RNF40: variants seen among roughly 807,000 people sequenced by gnomAD.
RNF40 encodes the protein ring finger protein 40, also known as E3 ubiquitin-protein ligase BRE1B.
A neutral mutation model predicts 123.3 loss-of-function variants in RNF40; 39 were observed. The observed-to-expected ratio is 0.32, with a 90% CI of 0.24 to 0.41. RNF40 has a LOEUF of 0.41. Among genes scored for constraint, RNF40 ranks in the 10% least tolerant of loss-of-function variants. The probability of loss-of-function intolerance (pLI) is 1.00; values close to 1 mark genes in which losing one functional copy is unlikely to be tolerated. For missense variants in RNF40, 1,003 were observed against 1,319.9 expected (o/e 0.76, Z 3.72); for synonymous variants, 538 against 526.0 (o/e 1.02, Z -0.31).
chr16:30,762,209 A>C, upstream of RNF40: 1 of 343,534 alleles, frequency 2.9e-6, no homozygotes, highest in Non-Finnish European at 5.3e-6. Flanking sequence ...CGTAACCAAT[A>C]GAAGCAGAAG....
At position 30,771,986 on chromosome 16, in the gene RNF40, G is replaced by A; in HGVS notation, c.2727+13G>A. The A allele has an allele frequency of 3.1e-6, 5 of 1,588,602 alleles. No individual in the cohort carries two copies. The highest frequency in any genetic ancestry group is 4.3e-6 in the Non-Finnish European group (5 of 1,163,504). On this transcript the variant is annotated intron_variant, in intron 18 of 19. Coordinates refer to ENST00000324685, the MANE Select transcript of RNF40 (RefSeq NM_014771.4). ...CAAGAGGGCTCAGGTGTGTGCAGGG[G>A]TGAGGGGCCAGGCCAGGGTGGTCCA...
rs1383811349 is a variant in RNF40 at position 30,771,882 on chromosome 16, A to G, written c.2636A>G (p.His879Arg). ...LAEDLKVQLE[H>R]VQTRLREIQP... ...GAGGACCTGAAGGTGCAGCTGGAGC[A>G]CGTGCAGACTCGGCTGCGGGAGATC... The change falls in exon 18 of 20, where the codon CAC becomes CGC. Residue 879 changes from histidine to arginine, a missense_variant. By Grantham distance (29) the His-to-Arg change is conservative (BLOSUM62 0). Transcript: ENST00000324685. 1 of 1,609,068 alleles carries G rather than the reference A, an allele frequency of 6.2e-7. No individual in the cohort carries two copies. Among genetic ancestry groups the G allele is most frequent in the Non-Finnish European group, 8.5e-7 (1 of 1,176,978 alleles).
Position 30,768,805 on chromosome 16 carries a change from T to C in RNF40, c.2098-33T>C, listed in dbSNP as rs1193181209. ...AGAGTCCTAGCTCAGCAGGAAGCAG[T>C]GTCAAGAGAGTTTCTTCTTCCCTGT... On this transcript the variant is annotated intron_variant, in intron 14 of 19. Coordinates refer to ENST00000324685, the MANE Select transcript of RNF40 (RefSeq NM_014771.4). The surrounding 1 kb of genome is among the most constrained non-coding windows in gnomAD (Gnocchi z 4.1). 3.1e-6 allele frequency: 5 copies of C among 1,614,080 alleles called. No homozygotes were observed. In the South Asian group the frequency reaches 3.3e-5, roughly 11 times the overall value.
chr16:30,773,021 G>C (rs2054174353), intron 19 of RNF40, among the ~76,000 whole-genome samples: 1 of 152,176 alleles, frequency 6.6e-6, no homozygotes, highest in Non-Finnish European at 1.5e-5. Flanking sequence ...TGGATAGTTA[G>C]TACCATTTAG....
intron 15 of RNF40, 59 bp downstream of exon 15, chr16:30,769,046 T>C (rs2054098584): frequency 6.2e-7 from 1 of 1,609,156 alleles, no homozygotes; most frequent in African/African-American, 1.3e-5. Context: ...ATACCCTGTT[T>C]GGTGCCTCTA....
chr16:30,772,938 G>T (rs1259701396), intron 19 of RNF40, among the ~76,000 whole-genome samples: 2 of 152,216 alleles, frequency 1.3e-5, no homozygotes, highest in East Asian at 1.9e-4. Context: ...GGACTCGGGG[G>T]TGGATCGAAT....
At position 30,769,268 on chromosome 16, in the gene RNF40, A is replaced by G; in HGVS notation, c.2330A>G (p.Gln777Arg). The change falls in exon 16 of 20, where the codon CAG becomes CGG. Residue 777 changes from glutamine (Q) to arginine (R), a missense_variant. Around this residue, in one of 11 missense-constraint regions of RNF40, gnomAD observed 25 missense variants for 72.6 expected, o/e 0.34. Coordinates refer to ENST00000324685, the MANE Select transcript of RNF40 (RefSeq NM_014771.4). ...CAGGAACAGAACGGGCGGCTGCTAC[A>G]GCAGTTGCGGGAAAAGGATGATGCC... ...DMQEQNGRLL[Q>R]QLREKDDANF... 6.2e-7 allele frequency: 1 copy of G among 1,614,234 alleles called. No homozygotes were observed. The highest frequency in any genetic ancestry group is 8.5e-7 in the Non-Finnish European group (1 of 1,180,032).
chr16:30,763,006 G>A (rs572608675), intron 2 of RNF40, 112 bp from the exon 3 acceptor site: 1 of 1,198,826 alleles, frequency 8.3e-7, no homozygotes, highest in African/African-American at 1.5e-5. Context: ...GTTAGTGTGG[G>A]AATACCTCCA....
chr16:30,764,665 A>T (rs2053994898), intron 5 of RNF40, among the ~76,000 whole-genome samples: 1 of 152,158 alleles, frequency 6.6e-6, no homozygotes, highest in Non-Finnish European at 1.5e-5. Flanking sequence ...TTGCGGATCC[A>T]CAAGGCATAG....
Position 30,764,215 on chromosome 16 carries a change from A to T in RNF40, c.479A>T (p.Glu160Val). 6.2e-7 allele frequency: 1 copy of T among 1,611,568 alleles called. No homozygotes were observed. Among genetic ancestry groups the T allele is most frequent in the Non-Finnish European group, 8.5e-7 (1 of 1,178,892 alleles). Residue 160 changes from glutamate (E) to valine (V), a missense_variant, in exon 5 of 20, where the codon GAG becomes GTG. Transcript: ENST00000324685. ...LLMQLRPPLS[E>V]PALAFVVALG... ...ATGCAGCTGCGGCCCCCTCTCAGTG[A>T]GCCGGCCTTGGCTTTTGTGGTGGCA...
chr16:30,767,749 CTT>C, intron 11 of RNF40, 143 bp from the exon 12 acceptor site: 1 of 1,027,000 alleles, frequency 9.7e-7, no homozygotes. Context: ...GCATTATTTA[CTT>C]TGATGAGTTC....
rs761349240 is a variant in RNF40 at position 30,769,193 on chromosome 16, AG to A, written c.2257del (p.Ala753LeufsTer8). ...RKLGATKQEE[E>X]ALLSEMDVTG... Reference sequence around the variant, plus strand: ...TCTGCCCACTTGCTGCAGGAGGAGGAGGCTCTGCTCTCAGAGATGGATGTGA... The same window carrying A: ...TCTGCCCACTTGCTGCAGGAGGAGGAGCTCTGCTCTCAGAGATGGATGTGA... On this transcript the variant is annotated frameshift_variant, in exon 16 of 20. Transcript: ENST00000324685. LOFTEE classifies it high-confidence loss of function. The A allele has an allele frequency of 6.2e-7, 1 of 1,614,108 alleles. No individual in the cohort carries two copies.
intron 17 of RNF40, among the ~76,000 whole-genome samples, chr16:30,770,080 CAA>C (rs986210165): frequency 2.7e-4 from 35 of 131,468 alleles, no homozygotes; most frequent in African/African-American, 8.2e-4. Context: ...GTCTGGGTGA[CAA>C]GAGCGAGACT....
chr16:30,775,481 T>A lies in RNF40; in HGVS notation c.*1367T>A, dbSNP rs1178811280. 5.9e-6 allele frequency: 1 copy of A among 168,756 alleles called. No homozygotes were observed. 10.5% of individuals were successfully genotyped at this position (168,756 alleles called of 1,614,324 possible). The stretch of plus-strand genomic sequence containing the variant: ...TCCTGGTCCGCACATGGTTAGGAGG[T>A]TCTCGGAGAGAGAGCTAGTTTCCCG... On this transcript the variant is annotated 3_prime_UTR_variant, in exon 20 of 20. Transcript: ENST00000324685.
chr16:30,774,998 C>A lies in RNF40; in HGVS notation c.*884C>A, dbSNP rs1055872662. 10 of 456,404 alleles carry A rather than the reference C, an allele frequency of 2.2e-5. No homozygotes were observed. Among genetic ancestry groups the A allele is most frequent in the Admixed American group, 4.7e-5 (2 of 42,548 alleles). 28.3% of individuals were successfully genotyped at this position (456,404 alleles called of 1,614,324 possible). On this transcript the variant is annotated 3_prime_UTR_variant, in exon 20 of 20. Transcript: ENST00000324685. ...CAATCATTCCAGCTAGAAGAGCTTC[C>A]CCCTGACACCCTGTGACTGAGCCTG...
In RNF40 at chr16:30,768,717, A is replaced by G. The variant is rs1241870154; in HGVS notation, c.2078A>G (p.Glu693Gly). Residue 693 changes from glutamate to glycine, a missense_variant, in exon 14 of 20, where the codon GAA becomes GGA. By Grantham distance (98) the Glu-to-Gly change is moderately conservative (BLOSUM62 -2). Coordinates refer to ENST00000324685, the MANE Select transcript of RNF40 (RefSeq NM_014771.4). The surrounding 1 kb of genome is among the most constrained non-coding windows in gnomAD (Gnocchi z 4.1). ...GATAAGGTGCAGCTCATGGCAGCGG[A>G]ACGCAAGGCTAAGGCCGAGGTGAGG... ...QRDKVQLMAA[E>G]RKAKAEVDEL... 1 of 1,614,088 alleles carries G rather than the reference A, an allele frequency of 6.2e-7. No individual in the cohort carries two copies. Among genetic ancestry groups the G allele is most frequent in the South Asian group, 1.1e-5 (1 of 91,088 alleles).
Position 30,775,674 on chromosome 16 carries a change from C to G in RNF40, c.*1560C>G, listed in dbSNP as rs1013198547. On this transcript the variant is annotated 3_prime_UTR_variant, in exon 20 of 20. Transcript: ENST00000324685. ...GCGTGTACCGAGCGGCGCCCCTGGG[C>G]TCAGCGCGCTGCAGGCGCCCCGGGC... 1 of 152,646 alleles carries G rather than the reference C, an allele frequency of 6.6e-6. No homozygotes were observed. Among genetic ancestry groups the G allele is most frequent in the Non-Finnish European group, 1.5e-5 (1 of 68,338 alleles). The allele number at this position is 152,646 out of a possible 1,614,324, so 9.5% of individuals were successfully genotyped here. A position where few individuals can be genotyped will look rare whatever the true frequency, so the allele number is the denominator to read the frequency against.
Position 30,775,643 on chromosome 16 carries a change from G to A in RNF40, c.*1529G>A, listed in dbSNP as rs2054221812. On this transcript the variant is annotated 3_prime_UTR_variant, in exon 20 of 20. Coordinates refer to ENST00000324685, the MANE Select transcript of RNF40 (RefSeq NM_014771.4). ...CCTCGTTGCAATCGGCCTCGGGAGC[G>A]GTGCGGCGTGTACCGAGCGGCGCCC... 1 of 153,726 alleles carries A rather than the reference G, an allele frequency of 6.5e-6. No individual in the cohort carries two copies. The highest frequency in any genetic ancestry group is 2.4e-5 in the African/African-American group (1 of 41,482). The allele number at this position is 153,726 out of a possible 1,614,324, so 9.5% of individuals were successfully genotyped here. A position where few individuals can be genotyped will look rare whatever the true frequency, so the allele number is the denominator to read the frequency against.
chr16:30,762,346 C>G lies in RNF40; in HGVS notation c.-86C>G. Reference sequence around the variant, plus strand: ...TGAAATCCAAGATGGCGGCGCTAGGCTGACCCTCCTGCTGGTGAGGGCTCT... The same window carrying G: ...TGAAATCCAAGATGGCGGCGCTAGGGTGACCCTCCTGCTGGTGAGGGCTCT... On this transcript the variant is annotated 5_prime_UTR_variant, in exon 1 of 20. Coordinates refer to ENST00000324685, the MANE Select transcript of RNF40 (RefSeq NM_014771.4). The G allele has an allele frequency of 1.8e-6, 1 of 548,956 alleles. No individual in the cohort carries two copies. Among genetic ancestry groups the G allele is most frequent in the Non-Finnish European group, 3.1e-6 (1 of 324,774 alleles). 34.0% of individuals were successfully genotyped at this position (548,956 alleles called of 1,614,324 possible). A position where few individuals can be genotyped will look rare whatever the true frequency, so the allele number is the denominator to read the frequency against.
Sources: allele counts gnomAD v4.1 joint callset (sites outside exome capture counted in the v4.1 genomes callset), GRCh38; gene constraint gnomAD v4.1.1; regional missense constraint gnomAD v4.1.1; non-coding constraint Gnocchi (gnomAD v3.1); transcripts MANE v1.5; gene names NCBI Gene and HGNC (gene_info 2026-07-23, HGNC 2026-07-21).